A2ML1: variants seen among roughly 807,000 people sequenced by gnomAD.
A2ML1 encodes alpha-2-macroglobulin-like protein 1.
Under a neutral mutation model 181.9 loss-of-function variants are expected in A2ML1, and 161 were observed. The observed-to-expected ratio is 0.89, with a 90% CI of 0.78 to 1.01. The LOEUF (loss-of-function observed/expected upper bound fraction) is 1.01, where lower values mean the gene tolerates loss of function less well. A2ML1 is among the 50% of genes least tolerant of loss of function. The pLI, the probability that A2ML1 is intolerant of heterozygous loss-of-function variation, is 0.00. For missense variants in A2ML1, 1,670 were observed against 1,768.1 expected (o/e 0.94, Z 1.00); for synonymous variants, 663 against 666.8 (o/e 0.99, Z 0.09).
At chr12:8,824,061 G>T (rs1942840534) in intron 3 of A2ML1, among the ~76,000 whole-genome samples, 179 bp downstream of exon 3, 1 of 152,024 alleles carries the variant, frequency 6.6e-6, no homozygotes, top group South Asian at 2.1e-4. Context: ...ACAAGCAAGA[G>T]AAGTAGGTGG....
intron 23 of A2ML1, among the ~76,000 whole-genome samples, chr12:8,856,013 G>T (rs2110079): frequency 0.99 from 150,338 of 152,338 alleles, 74,210 homozygotes; most frequent in East Asian, 1. Context: ...AAGCATGAAC[G>T]TAGAAATCAT....
chr12:8,856,714 A>T (rs1332216689), intron 23 of A2ML1, among the ~76,000 whole-genome samples: 1 of 152,166 alleles, frequency 6.6e-6, no homozygotes, highest in African/African-American at 2.4e-5. Context: ...TAGATAGCTT[A>T]TGTGCCTCTC....
chr12:8,870,020 T>G (rs1269463275), intron 33 of A2ML1, among the ~76,000 whole-genome samples: 2 of 152,222 alleles, frequency 1.3e-5, no homozygotes, highest in Non-Finnish European at 1.5e-5. Flanking sequence ...AACAAGAAGT[T>G]CTCAAGGACT....
At chr12:8,878,929 C>G (rs756434612), downstream of A2ML1, among the ~76,000 whole-genome samples, 45 of 152,158 alleles carry the variant, frequency 3.0e-4, no homozygotes, top group African/African-American at 1.0e-3. This position sits in a 1 kb window ranked among gnomAD's most constrained non-coding sequence, Gnocchi z 4.4. Flanking sequence ...CACCACTGCA[C>G]TCCAACCTGG....
Position 8,840,566 on chromosome 12 carries a change from G to A in A2ML1, c.1081-803G>A, listed in dbSNP as rs374480149. Among the ~76,000 whole-genome samples the A allele has an allele frequency of 6.6e-5, 10 of 152,104 alleles. No homozygotes were observed. In the South Asian group the frequency reaches 2.1e-3, roughly 32 times the overall value. ...AGGGTGGGTGCAAATTATTTTTAGA[G>A]CCTAAGGATTACACAGTTTGGGAGG... On this transcript the variant is annotated intron_variant, in intron 10 of 35. Coordinates refer to ENST00000299698, the MANE Select transcript of A2ML1 (RefSeq NM_144670.6).
rs145494834 is a variant in A2ML1, at chr12:8,835,644, T to C, written c.621T>C (p.Gly207=). 3,833 of 1,614,176 alleles carry C rather than the reference T, an allele frequency of 2.4e-3. 44 individuals carry two copies. Among genetic ancestry groups the C allele is most frequent in the Middle Eastern group, 0.017 (102 of 6,060 alleles). Residue 207 remains glycine, a synonymous_variant, in exon 6 of 36, where the codon GGT becomes GGC. Coordinates refer to ENST00000299698, the MANE Select transcript of A2ML1 (RefSeq NM_144670.6). ...CAGTGGCTGAGGGCAAGACCTTTGG[T>C]ACTTTCAGTGTGGAGGAATATGGTA... The part of the protein sequence containing the change: ...TVAVAEGKTF[G]TFSVEEYVLP...
Position 8,868,294 on chromosome 12 carries a change from T to C in A2ML1, c.3998T>C (p.Ile1333Thr). 1 of 1,613,980 alleles carries C rather than the reference T, an allele frequency of 6.2e-7. No homozygotes were observed. The highest frequency in any genetic ancestry group is 1.1e-5 in the South Asian group (1 of 91,004). ...NMKTFSLSVE[I>T]GKARCEQPTS... ...AAGACCTTTAGTCTTAGTGTGGAAA[T>C]AGGAAAAGCTAGATGTGAGCAACCG... The change falls in exon 31 of 36, where the codon ATA becomes ACA. Residue 1333 changes from isoleucine (I) to threonine (T), a missense_variant. Coordinates refer to ENST00000299698, the MANE Select transcript of A2ML1 (RefSeq NM_144670.6).
Position 8,857,508 on chromosome 12 carries a change from G to A in A2ML1, c.3027G>A (p.Gly1009=). 6.2e-7 allele frequency: 1 copy of A among 1,611,816 alleles called. No homozygotes were observed. Residue 1009 remains glycine, a splice_region_variant and synonymous_variant, in exon 25 of 36, where the codon GGG becomes GGA. Transcript: ENST00000299698. ...RSRAVGFLEI[G]YQKELMYKHS... Reference sequence around the variant, plus strand: ...CTAAAACCACATTTGGCTTCCCAGGGTACCAGAAGGAGCTGATGTACAAAC... The same window carrying A: ...CTAAAACCACATTTGGCTTCCCAGGATACCAGAAGGAGCTGATGTACAAAC...
intron 26 of A2ML1, 113 bp downstream of exon 26, chr12:8,858,215 C>T (rs1944139018): frequency 7.7e-7 from 1 of 1,297,992 alleles, no homozygotes; most frequent in Non-Finnish European, 1.0e-6. Flanking sequence ...TCCTGATCTC[C>T]ACTGTGGCTC....
At chr12:8,844,195 C>T (rs1046089952) in intron 12 of A2ML1, among the ~76,000 whole-genome samples, 1 of 148,924 alleles carries the variant, frequency 6.7e-6, no homozygotes, top group Non-Finnish European at 1.5e-5. Flanking sequence ...CCAAAAAAAA[C>T]AAAAACAAAA....
chr12:8,874,345 A>C, intron 33 of A2ML1, 80 bp from the exon 34 acceptor site: 1 of 1,146,022 alleles, frequency 8.7e-7, no homozygotes, highest in South Asian at 1.3e-5. Context: ...TGAAGACAGC[A>C]AGGGTCTTTT....
Position 8,834,781 on chromosome 12 carries a change from G to T in A2ML1, c.483+99G>T. ...AGACAGAAGCAACTCTGAGATCTTG[G>T]CCCAGAGCCCCATGACTCTGCCCAG... is the stretch of plus-strand genomic sequence containing the variant. On this transcript the variant is annotated intron_variant, in intron 5 of 35. Transcript: ENST00000299698. The T allele has an allele frequency of 6.1e-6, 9 of 1,472,748 alleles. No homozygotes were observed. The South Asian group carries it at 1.1e-4, about 17-fold the overall frequency. The allele number at this position is 1,472,748 out of a possible 1,614,324, so 91.2% of individuals were successfully genotyped here.
chr12:8,868,444 A>ATGTGTGTGTGTACGTGTG, intron 31 of A2ML1, 87 bp downstream of exon 31: 1 of 1,533,878 alleles, frequency 6.5e-7, no homozygotes, highest in Non-Finnish European at 8.8e-7. Context: ...GTGTCTGTGT[A>ATGTGTGTGTGTACGTGTG]TGTGTGTGTG....
chr12:8,849,743 C>T lies in A2ML1; in HGVS notation c.2103C>T (p.Tyr701=), dbSNP rs370270345. The stretch of plus-strand genomic sequence containing the variant: ...ATTGCAGTCACAGATCTCCAGAATA[C>T]AGCACTGCTATGGGTGGTAAGCCAC... ...PVDCSHRSPE[Y]STAMGAGGGH... The change falls in exon 17 of 36, where the codon TAC becomes TAT. Residue 701 remains tyrosine (Y), a synonymous_variant. Transcript: ENST00000299698. 3.1e-6 allele frequency: 5 copies of T among 1,614,180 alleles called. No individual in the cohort carries two copies. The African/African-American group carries it at 4.0e-5, about 13-fold the overall frequency.
In A2ML1 at chr12:8,867,984, A is replaced by G; in HGVS notation, c.3860A>G (p.Gln1287Arg). ...CAGTCAGTTAACAGATTGGTATTTCAGCAGGATACCCTGCCCAATGTCCCT... is the reference window on the plus strand; with the variant it reads ...CAGTCAGTTAACAGATTGGTATTTCGGCAGGATACCCTGCCCAATGTCCCT... ...NIQSVNRLVF[Q>R]QDTLPNVPGM... The change falls in exon 30 of 36, where the codon CAG becomes CGG. Residue 1287 changes from glutamine to arginine, a missense_variant. Gln to Arg is a conservative substitution (Grantham distance 43). Transcript: ENST00000299698. 6.2e-7 allele frequency: 1 copy of G among 1,614,270 alleles called. No individual in the cohort carries two copies. The highest frequency in any genetic ancestry group is 8.5e-7 in the Non-Finnish European group (1 of 1,180,054).
chr12:8,852,682 A>C lies in A2ML1; in HGVS notation c.2590+346A>C, dbSNP rs902158695. ...ATATATTAACTCATTAAATTGATTG[A>C]CTAATTAATTTTTATTTTATTTATT... On this transcript the variant is annotated intron_variant, in intron 20 of 35. Coordinates refer to ENST00000299698, the MANE Select transcript of A2ML1 (RefSeq NM_144670.6). This position sits in a 1 kb window ranked among gnomAD's most constrained non-coding sequence, Gnocchi z 4.2. Among the ~76,000 whole-genome samples the C allele has an allele frequency of 6.6e-6, 1 of 152,096 alleles. No individual in the cohort carries two copies. The highest frequency in any genetic ancestry group is 1.5e-5 in the Non-Finnish European group (1 of 68,026).
chr12:8,854,066 G>T, intron 20 of A2ML1, 62 bp from the exon 21 acceptor site: 2 of 1,470,846 alleles, frequency 1.4e-6, no homozygotes, highest in Non-Finnish European at 1.8e-6. Flanking sequence ...ATCCAAATGG[G>T]AATGGACCTC....
At chr12:8,840,615 A>G (rs768547574) in intron 10 of A2ML1, among the ~76,000 whole-genome samples, 1 of 152,064 alleles carries the variant, frequency 6.6e-6, no homozygotes, top group Non-Finnish European at 1.5e-5. Context: ...TTTAAGAAAA[A>G]GAAAGCAAAA....
chr12:8,837,265 C>T (rs1178107593), intron 7 of A2ML1, among the ~76,000 whole-genome samples, 175 bp from the exon 8 acceptor site: 1 of 152,034 alleles, frequency 6.6e-6, no homozygotes, highest in South Asian at 2.1e-4. Flanking sequence ...AGTAATACAC[C>T]TGTCTCGGCC....
Sources: allele counts gnomAD v4.1 joint callset (sites outside exome capture counted in the v4.1 genomes callset), GRCh38; gene constraint gnomAD v4.1.1; non-coding constraint Gnocchi (gnomAD v3.1); transcripts MANE v1.5; gene names NCBI Gene and HGNC (gene_info 2026-07-23, HGNC 2026-07-21).